The following SLC22A3 variants were observed in gnomAD, a reference collection of about 807,000 sequenced individuals.
SLC22A3 encodes the protein EMT organic cation transporter 3.
Under a neutral mutation model 59.1 loss-of-function variants are expected in SLC22A3, and 51 were observed. That is an observed-to-expected ratio of 0.86 (90% CI 0.69 to 1.09). The LOEUF (loss-of-function observed/expected upper bound fraction) is 1.09. Ranked by LOEUF, SLC22A3 falls within the 50% of genes least tolerant of loss-of-function variation. SLC22A3 has a pLI of 0.00. For synonymous variants in SLC22A3, 325 were observed against 292.0 expected, an observed-to-expected ratio of 1.11 and a Z score of -1.15; for missense variants, 711 against 726.3, an observed-to-expected ratio of 0.98 and a Z score of 0.24.
At chr6:160,361,341 T>C (rs1785006311) in intron 1 of SLC22A3, among the ~76,000 whole-genome samples, 1 of 152,176 alleles carries the variant, frequency 6.6e-6, no homozygotes, top group African/African-American at 2.4e-5. Context: ...AAAGACTTTT[T>C]AAAGAAAAGT....
chr6:160,350,404 C>T (rs1220983064), intron 1 of SLC22A3, among the ~76,000 whole-genome samples: 2 of 152,162 alleles, frequency 1.3e-5, no homozygotes, highest in Non-Finnish European at 2.9e-5. Context: ...CATGGTAAGG[C>T]TGGGGACTGC....
chr6:160,411,254 C>G (rs1774379457), intron 5 of SLC22A3, among the ~76,000 whole-genome samples: 1 of 151,936 alleles, frequency 6.6e-6, no homozygotes, highest in African/African-American at 2.4e-5. Flanking sequence ...CTTTTTTTGA[C>G]TTTTAATTTA....
chr6:160,353,163 C>A (rs1245744822), intron 1 of SLC22A3, among the ~76,000 whole-genome samples: 1 of 152,166 alleles, frequency 6.6e-6, no homozygotes, highest in African/African-American at 2.4e-5. Context: ...ACAGCCACCC[C>A]ACTAGGTGTC....
intron 1 of SLC22A3, among the ~76,000 whole-genome samples, chr6:160,390,091 C>A (rs988368655): frequency 6.6e-6 from 1 of 152,168 alleles, no homozygotes; most frequent in African/African-American, 2.4e-5. Context: ...ATAATGTATA[C>A]TTTTTTAAAC....
At chr6:160,419,944 T>C (rs902243566) in intron 5 of SLC22A3, among the ~76,000 whole-genome samples, 1 of 152,236 alleles carries the variant, frequency 6.6e-6, no homozygotes, top group African/African-American at 2.4e-5. Context: ...TTGTTTACTT[T>C]CCATGTCTTT....
chr6:160,441,024 C>T (rs1447625580), intron 7 of SLC22A3, among the ~76,000 whole-genome samples: 2 of 151,752 alleles, frequency 1.3e-5, no homozygotes, highest in East Asian at 1.9e-4. Flanking sequence ...CACCTTGCCT[C>T]GGTTATAAAC....
At chr6:160,355,730 C>T (rs1007898559) in intron 1 of SLC22A3, among the ~76,000 whole-genome samples, 4 of 152,112 alleles carry the variant, frequency 2.6e-5, no homozygotes, top group African/African-American at 9.7e-5. Flanking sequence ...TGAGATCGCA[C>T]CACTGCACTC....
chr6:160,389,039 G>T (rs1361855562), intron 1 of SLC22A3, among the ~76,000 whole-genome samples: 1 of 152,158 alleles, frequency 6.6e-6, no homozygotes, highest in African/African-American at 2.4e-5. Context: ...AAGCCAAGGG[G>T]AAGACTCCCC....
chr6:160,370,563 T>C (rs962897130), intron 1 of SLC22A3, among the ~76,000 whole-genome samples: 5 of 152,212 alleles, frequency 3.3e-5, no homozygotes, highest in Non-Finnish European at 2.9e-5. Context: ...TAAAACAATA[T>C]GTACATTGGA....
chr6:160,349,186 G>T, intron 1 of SLC22A3: 2 of 581,298 alleles, frequency 3.4e-6, no homozygotes, highest in Non-Finnish European at 4.3e-6. Context: ...TATCTTTGAG[G>T]TGTGCGGGCG....
At chr6:160,387,037 A>G (rs1181102411) in intron 1 of SLC22A3, among the ~76,000 whole-genome samples, 1 of 152,180 alleles carries the variant, frequency 6.6e-6, no homozygotes, top group Non-Finnish European at 1.5e-5. Context: ...GCTGTGACTC[A>G]TGCGCATGGC....
At chr6:160,432,304 C>A (rs145955098) in intron 5 of SLC22A3, among the ~76,000 whole-genome samples, 1 of 151,828 alleles carries the variant, frequency 6.6e-6, no homozygotes, top group Admixed American at 6.6e-5. Flanking sequence ...ATTGATGGTG[C>A]GGGAGAGTGT....
Position 160,348,411 on chromosome 6 carries a change from G to GGGCGGCC in SLC22A3, c.-5_-4insGCCGGCG. 1.4e-6 allele frequency: 2 copies of GGGCGGCC among 1,449,652 alleles called. No homozygotes were observed. Among genetic ancestry groups the GGGCGGCC allele is most frequent in the Non-Finnish European group, 1.8e-6 (2 of 1,106,998 alleles). 89.8% of individuals were successfully genotyped at this position (1,449,652 alleles called of 1,614,324 possible). On this transcript the variant is annotated 5_prime_UTR_variant, in exon 1 of 11. Transcript: ENST00000275300. Reference sequence around the variant, plus strand: ...GCGCGGGCTGCGGGCGGCGGGCGGCGGGCGCACCATGCCCTCCTTCGACGA... The same window carrying GGGCGGCC: ...GCGCGGGCTGCGGGCGGCGGGCGGCGGGCGGCCGGCGCACCATGCCCTCCTTCGACGA...
intron 5 of SLC22A3, among the ~76,000 whole-genome samples, chr6:160,430,882 A>G (rs1490409124): frequency 6.6e-6 from 1 of 152,212 alleles, no homozygotes; most frequent in South Asian, 2.1e-4. Context: ...AATTCTAGAA[A>G]AAGCAAAACT....
At chr6:160,436,139 C>T (rs986842959) in intron 5 of SLC22A3, among the ~76,000 whole-genome samples, 2 of 152,180 alleles carry the variant, frequency 1.3e-5, no homozygotes, top group African/African-American at 4.8e-5. Flanking sequence ...GGGTATCATG[C>T]TCTGATGCTT....
At chr6:160,358,949 G>C (rs76596562) in intron 1 of SLC22A3, among the ~76,000 whole-genome samples, 3 of 152,338 alleles carry the variant, frequency 2.0e-5, no homozygotes, top group African/African-American at 7.2e-5. Context: ...CTGTGGGGCT[G>C]CAGGGCTTGA....
intron 9 of SLC22A3, among the ~76,000 whole-genome samples, chr6:160,447,355 A>G (rs1176577702): frequency 6.6e-6 from 1 of 152,086 alleles, no homozygotes; most frequent in African/African-American, 2.4e-5. Flanking sequence ...CAGGTAAGTG[A>G]GAGTGTCAGT....
intron 5 of SLC22A3, among the ~76,000 whole-genome samples, chr6:160,421,757 G>A (rs569929276): frequency 6.6e-6 from 1 of 152,290 alleles, no homozygotes; most frequent in African/African-American, 2.4e-5. Flanking sequence ...AAAGAGGAGT[G>A]AGTTTGCCTG....
chr6:160,414,680 G>A (rs563363594), intron 5 of SLC22A3, among the ~76,000 whole-genome samples: 146 of 152,260 alleles, frequency 9.6e-4, no homozygotes, highest in South Asian at 2.1e-3. Flanking sequence ...GAGAAGTGCC[G>A]AGCAAAGGGG....
Sources: gnomAD v4.1 joint callset for allele counts (sites outside exome capture counted in the v4.1 genomes callset) on GRCh38, gnomAD v4.1.1 for gene constraint, MANE v1.5 for transcripts, NCBI Gene and HGNC (gene_info 2026-07-23, HGNC 2026-07-21) for gene names.